Variants in MFHAS1 observed in about 807,000 individuals in gnomAD.
MFHAS1 encodes the protein malignant fibrous histiocytoma-amplified sequence 1.
MFHAS1 carries 50 observed loss-of-function variants against 70.4 expected under a neutral mutation model. That is an observed-to-expected ratio of 0.71 (90% CI 0.57 to 0.90). The LOEUF (loss-of-function observed/expected upper bound fraction) is 0.90, where lower values mean the gene tolerates loss of function less well. Ranked by LOEUF, MFHAS1 falls within the 40% of genes least tolerant of loss-of-function variation. The probability of loss-of-function intolerance (pLI) is 0.00; values close to 1 mark genes in which losing one functional copy is unlikely to be tolerated. For missense variants in MFHAS1, 1,795 were observed against 1,347.6 expected (o/e 1.33, Z -5.20); for synonymous variants, 952 against 620.0 (o/e 1.54, Z -7.96).
chr8:8,824,370 A>C (rs984440664), intron 1 of MFHAS1, among the ~76,000 whole-genome samples: 1 of 152,118 alleles, frequency 6.6e-6, no homozygotes, highest in South Asian at 2.1e-4. Context: ...ACTCCAGCAC[A>C]GGAAAACCAG....
In MFHAS1 at chr8:8,819,607, AC is replaced by A. The variant is rs369707366; in HGVS notation, c.2999-22117del. On this transcript the variant is annotated intron_variant, in intron 1 of 2. Transcript: ENST00000276282. Reference sequence around the variant, plus strand: ...CGACAGAGCAAGACTCCAACTCAAAACAAAAAAAAAAAAAAAAAAGAATATC... The same window carrying A: ...CGACAGAGCAAGACTCCAACTCAAAAAAAAAAAAAAAAAAAAAAGAATATC... 5.5e-3 allele frequency among the ~76,000 whole-genome samples: 803 copies of A among 146,498 alleles called. 22 individuals carry two copies. Among genetic ancestry groups the A allele is most frequent in the Admixed American group, 0.024 (349 of 14,588 alleles).
intron 1 of MFHAS1, among the ~76,000 whole-genome samples, chr8:8,825,286 C>G (rs941040977): frequency 6.6e-6 from 1 of 152,218 alleles, no homozygotes; most frequent in Non-Finnish European, 1.5e-5. Flanking sequence ...AATTCTCCGG[C>G]GTCAGCCTCC....
At position 8,850,879 on chromosome 8, in the gene MFHAS1, T is replaced by C. The variant is rs868416643; in HGVS notation, c.2998+39182A>G. Among the ~76,000 whole-genome samples, 42 of 151,380 alleles carry C rather than the reference T, an allele frequency of 2.8e-4. No homozygotes were observed. In the Middle Eastern group the frequency reaches 0.011, roughly 38 times the overall value. On this transcript the variant is annotated intron_variant, in intron 1 of 2. Transcript: ENST00000276282. Reference sequence around the variant, plus strand: ...CAGGTCAGCACCCGCTACACACCAATTCATCTAACCCTTCAACACTCACGT... The same window carrying C: ...CAGGTCAGCACCCGCTACACACCAACTCATCTAACCCTTCAACACTCACGT...
intron 2 of MFHAS1, among the ~76,000 whole-genome samples, chr8:8,789,468 G>T (rs1468917993): frequency 6.6e-6 from 1 of 152,130 alleles, no homozygotes; most frequent in African/African-American, 2.4e-5. Flanking sequence ...TGAAGGGAGG[G>T]TCCAGCCTGG....
intron 1 of MFHAS1, among the ~76,000 whole-genome samples, chr8:8,854,856 C>T (rs1808376948): frequency 6.6e-6 from 1 of 152,074 alleles, no homozygotes; most frequent in African/African-American, 2.4e-5. Context: ...ATCTGAAATT[C>T]AAATTTAACT....
intron 1 of MFHAS1, among the ~76,000 whole-genome samples, chr8:8,797,792 C>T (rs1375683070): frequency 1.3e-5 from 2 of 152,146 alleles, no homozygotes; most frequent in South Asian, 4.1e-4. Flanking sequence ...AGACTGACTC[C>T]AGGGATCTTT....
intron 1 of MFHAS1, among the ~76,000 whole-genome samples, chr8:8,849,152 C>A (rs1246862015): frequency 7.4e-6 from 1 of 135,802 alleles, no homozygotes; most frequent in Non-Finnish European, 1.5e-5. Flanking sequence ...ACGATCTCAG[C>A]TCACTGCAAC....
At chr8:8,817,147 C>G (rs1262927219) in intron 1 of MFHAS1, among the ~76,000 whole-genome samples, 1 of 152,090 alleles carries the variant, frequency 6.6e-6, no homozygotes, top group Non-Finnish European at 1.5e-5. Flanking sequence ...AAACTAGCTC[C>G]AAAGAGCACC....
At chr8:8,851,658 C>A (rs987608791) in intron 1 of MFHAS1, among the ~76,000 whole-genome samples, 1 of 152,232 alleles carries the variant, frequency 6.6e-6, no homozygotes, top group Non-Finnish European at 1.5e-5. Context: ...AAACTCTATT[C>A]TTTCATATTA....
intron 2 of MFHAS1, among the ~76,000 whole-genome samples, chr8:8,787,628 A>C (rs1210084873): frequency 6.6e-6 from 1 of 152,214 alleles, no homozygotes; most frequent in Non-Finnish European, 1.5e-5. Flanking sequence ...ACTGCCTCAA[A>C]TTCAACTAAT....
At chr8:8,886,482 T>C (rs767838659) in intron 1 of MFHAS1, among the ~76,000 whole-genome samples, 2 of 152,140 alleles carry the variant, frequency 1.3e-5, no homozygotes, top group Non-Finnish European at 2.9e-5. Flanking sequence ...ACTTTTCTTG[T>C]ATAAACCAAA....
chr8:8,787,662 G>A (rs2117240674), intron 2 of MFHAS1, among the ~76,000 whole-genome samples: 1 of 152,298 alleles, frequency 6.6e-6, no homozygotes, highest in Non-Finnish European at 1.5e-5. Flanking sequence ...TAACTGTAAG[G>A]AGGACGCCAG....
chr8:8,797,753 G>A (rs918628348), intron 1 of MFHAS1, among the ~76,000 whole-genome samples: 3 of 152,208 alleles, frequency 2.0e-5, no homozygotes, highest in Non-Finnish European at 4.4e-5. Flanking sequence ...GACAGCATCT[G>A]TCACTGCTCT....
Position 8,826,279 on chromosome 8 carries a change from G to A in MFHAS1, c.2999-28788C>T, listed in dbSNP as rs150389530. Among the ~76,000 whole-genome samples the A allele has an allele frequency of 8.0e-3, 747 of 93,820 alleles. 11 individuals are homozygous for A. Among genetic ancestry groups the A allele is most frequent in the African/African-American group, 0.022 (696 of 31,402 alleles). The allele number at this position is 93,820 out of a possible 152,430, so 61.5% of individuals were successfully genotyped here. On this transcript the variant is annotated intron_variant, in intron 1 of 2. Transcript: ENST00000276282. ...GTGTGTGTGTGTGTGTGTGTGTGTC[G>A]CACACTGCTGCCTACCCAATATCCC...
At chr8:8,814,021 T>C (rs1463900659) in intron 1 of MFHAS1, among the ~76,000 whole-genome samples, 2 of 151,752 alleles carry the variant, frequency 1.3e-5, no homozygotes, top group African/African-American at 4.8e-5. Flanking sequence ...CACTGCAACC[T>C]TCACCTCCCA....
At chr8:8,794,587 T>G (rs1258937529) in intron 2 of MFHAS1, among the ~76,000 whole-genome samples, 1 of 152,168 alleles carries the variant, frequency 6.6e-6, no homozygotes, top group Non-Finnish European at 1.5e-5. Flanking sequence ...ACACAAGAGA[T>G]CATTTACCCC....
At chr8:8,819,279 G>C (rs1585033123) in intron 1 of MFHAS1, among the ~76,000 whole-genome samples, 1 of 152,064 alleles carries the variant, frequency 6.6e-6, no homozygotes, top group East Asian at 1.9e-4. Flanking sequence ...CAAATCTCTA[G>C]ATTTTTTAAA....
At chr8:8,794,171 C>T (rs1000785229) in intron 2 of MFHAS1, among the ~76,000 whole-genome samples, 3 of 152,028 alleles carry the variant, frequency 2.0e-5, no homozygotes, top group Admixed American at 6.6e-5. Context: ...GCCTGGGTGA[C>T]AGAGTGAGAC....
chr8:8,870,685 C>G (rs1337745222), intron 1 of MFHAS1, among the ~76,000 whole-genome samples: 1 of 152,126 alleles, frequency 6.6e-6, no homozygotes, highest in Non-Finnish European at 1.5e-5. Context: ...TCCCGCAGGC[C>G]TCTCCGAGCC....
Sources: gnomAD v4.1 joint callset for allele counts (sites outside exome capture counted in the v4.1 genomes callset) on GRCh38, gnomAD v4.1.1 for gene constraint, MANE v1.5 for transcripts, NCBI Gene and HGNC (gene_info 2026-07-23, HGNC 2026-07-21) for gene names.